The following DNAH3 variants were observed in gnomAD, a reference collection of about 807,000 sequenced individuals.
DNAH3 encodes the protein axonemal beta dynein heavy chain 3.
Under a neutral mutation model 432.5 loss-of-function variants are expected in DNAH3, and 332 were observed. That is an observed-to-expected ratio of 0.77 (90% CI 0.70 to 0.84). The LOEUF (loss-of-function observed/expected upper bound fraction) is 0.84, where lower values mean the gene tolerates loss of function less well. DNAH3 is among the 40% of genes least tolerant of loss of function. The pLI, the probability that DNAH3 is intolerant of heterozygous loss-of-function variation, is 0.00. For missense variants in DNAH3, 4,861 were observed against 5,114.0 expected, an observed-to-expected ratio of 0.95 and a Z score of 1.51; for synonymous variants, 1,956 against 1,900.2, an observed-to-expected ratio of 1.03 and a Z score of -0.76.
exon 53 of DNAH3, chr16:20,964,360 C>A: frequency 1.9e-6 from 3 of 1,614,116 alleles, no homozygotes; most frequent in Non-Finnish European, 2.5e-6. Flanking sequence ...ATTCCTCAAA[C>A]GGGTTGTGAT....
intron 18 of DNAH3, among the ~76,000 whole-genome samples, chr16:21,095,334 T>C (rs2091645373): frequency 6.6e-6 from 1 of 152,220 alleles, no homozygotes; most frequent in Admixed American, 6.5e-5. Flanking sequence ...TAAGCTGGTG[T>C]ATCCATAGAA....
chr16:21,122,139 AG>A lies in DNAH3; in HGVS notation c.1405-16del. On this transcript the variant is annotated splice_polypyrimidine_tract_variant and intron_variant, in intron 9 of 61. Coordinates refer to ENST00000261383, the Ensembl canonical transcript of DNAH3. ...TCATTCCCATCCTTCAGGAGACATA[AG>A]GTAGGGCAAGCGTTACAAAATTGGG... 6.3e-7 allele frequency: 1 copy of A among 1,593,826 alleles called. No individual in the cohort carries two copies. Among genetic ancestry groups the A allele is most frequent in the Non-Finnish European group, 8.5e-7 (1 of 1,171,402 alleles).
intron 4 of DNAH3, among the ~76,000 whole-genome samples, chr16:21,141,064 G>A (rs938133506): frequency 3.9e-5 from 6 of 152,004 alleles, no homozygotes; most frequent in South Asian, 2.1e-4. Context: ...GCTTGAACCC[G>A]GGAGGCAGAT....
In DNAH3 at chr16:21,031,264, A is replaced by G; in HGVS notation, c.5220T>C (p.Ala1740=). 3 of 1,614,190 alleles carry G rather than the reference A, an allele frequency of 1.9e-6. No individual in the cohort carries two copies. In the African/African-American group the frequency reaches 4.0e-5, roughly 22 times the overall value. Residue 1740 remains alanine, a synonymous_variant, in exon 37 of 62, where the codon GCT becomes GCC. Transcript: ENST00000261383. Reference sequence around the variant, plus strand: ...TGGGGTTGATGATCTTGTACTCCACAGCAAACTCCTCCATCTGATTGGCTG... The same window carrying G: ...TGGGGTTGATGATCTTGTACTCCACGGCAAACTCCTCCATCTGATTGGCTG...
intron 3 of DNAH3, among the ~76,000 whole-genome samples, chr16:21,142,412 T>C (rs2092731758): frequency 1.3e-5 from 2 of 152,014 alleles, no homozygotes; most frequent in South Asian, 4.1e-4. Context: ...CATACATAAA[T>C]AAAATAAACT....
intron 18 of DNAH3, among the ~76,000 whole-genome samples, chr16:21,094,296 T>C (rs993186802): frequency 1.3e-5 from 2 of 152,102 alleles, no homozygotes; most frequent in Non-Finnish European, 2.9e-5. Flanking sequence ...CATAAAGAAA[T>C]GTTCAAGATC....
At chr16:21,015,580 T>A (rs868274167) in intron 41 of DNAH3, among the ~76,000 whole-genome samples, 5 of 152,274 alleles carry the variant, frequency 3.3e-5, no homozygotes, top group Middle Eastern at 6.8e-3. Flanking sequence ...TTAGCAATAT[T>A]GGTTCATCAA....
intron 31 of DNAH3, among the ~76,000 whole-genome samples, chr16:21,046,141 T>C (rs2089685278): frequency 1.4e-5 from 2 of 139,842 alleles, no homozygotes; most frequent in African/African-American, 2.7e-5. Context: ...CTGAAAAAAA[T>C]GTATATTCTG....
chr16:21,099,134 A>G (rs895415949), intron 16 of DNAH3, among the ~76,000 whole-genome samples: 5 of 152,190 alleles, frequency 3.3e-5, no homozygotes, highest in Non-Finnish European at 7.3e-5. Flanking sequence ...TATATTCTAT[A>G]ACTGCCCTAG....
intron 27 of DNAH3, among the ~76,000 whole-genome samples, chr16:21,057,000 G>T (rs890772923): frequency 6.6e-6 from 1 of 152,170 alleles, no homozygotes; most frequent in East Asian, 1.9e-4. Flanking sequence ...GCAAAATATA[G>T]GAAATTAAAA....
At chr16:20,977,378 A>G (rs1270172536) in intron 50 of DNAH3, among the ~76,000 whole-genome samples, 1 of 152,188 alleles carries the variant, frequency 6.6e-6, no homozygotes, top group Non-Finnish European at 1.5e-5. Flanking sequence ...CTCTGTCAAA[A>G]CAAAAACAAA....
exon 4 of DNAH3, chr16:21,141,341 T>C (rs753409831): frequency 6.3e-7 from 1 of 1,592,388 alleles, no homozygotes; most frequent in South Asian, 1.1e-5. Flanking sequence ...ACTTCGTTTT[T>C]TTCCTCATGG....
chr16:21,027,109 C>T, exon 38 of DNAH3: 1 of 1,613,612 alleles, frequency 6.2e-7, no homozygotes. Context: ...TGGATAATTT[C>T]CCCACTCATG....
chr16:21,046,673 A>G (rs2089712648), intron 31 of DNAH3, among the ~76,000 whole-genome samples: 2 of 151,976 alleles, frequency 1.3e-5, no homozygotes, highest in Non-Finnish European at 2.9e-5. Flanking sequence ...TAGTCCATTT[A>G]CATTTAAAGT....
rs376139212 is a variant in DNAH3, at chr16:20,982,709, A to G, written c.7859+12T>C. The G allele has an allele frequency of 6.2e-7, 1 of 1,609,162 alleles. No homozygotes were observed. Among genetic ancestry groups the G allele is most frequent in the Non-Finnish European group, 8.5e-7 (1 of 1,176,530 alleles). ...GGAATATCTAGAGTCCTAAAATGCA[A>G]TCAACACTTACTCTACCCGAATGTT... On this transcript the variant is annotated intron_variant, in intron 49 of 61. Coordinates refer to ENST00000261383, the Ensembl canonical transcript of DNAH3.
At chr16:20,957,946 G>A (rs1037936256) in intron 54 of DNAH3, among the ~76,000 whole-genome samples, 5 of 150,842 alleles carry the variant, frequency 3.3e-5, no homozygotes, top group African/African-American at 1.2e-4. Flanking sequence ...AGCTTTGTTG[G>A]GCTTTAAAAT....
intron 41 of DNAH3, among the ~76,000 whole-genome samples, chr16:21,013,179 A>G (rs770504224): frequency 6.6e-6 from 1 of 152,188 alleles, no homozygotes; most frequent in African/African-American, 2.4e-5. Context: ...AAATCATGAA[A>G]TTGACAACAG....
intron 40 of DNAH3, among the ~76,000 whole-genome samples, chr16:21,020,241 C>G (rs952719181): frequency 6.7e-6 from 1 of 148,234 alleles, no homozygotes; most frequent in Non-Finnish European, 1.5e-5. Context: ...AGGCTGGTCT[C>G]GAACTCCTGA....
intron 44 of DNAH3, among the ~76,000 whole-genome samples, chr16:20,989,629 G>C (rs2086437026): frequency 6.6e-6 from 1 of 152,246 alleles, no homozygotes. Flanking sequence ...TGCCAGTCCC[G>C]GGCGGTACGC....
Sources: gnomAD v4.1 joint callset for allele counts (sites outside exome capture counted in the v4.1 genomes callset) on GRCh38, gnomAD v4.1.1 for gene constraint, MANE v1.5 for transcripts, NCBI Gene and HGNC (gene_info 2026-07-23, HGNC 2026-07-21) for gene names.